The following GRAMD4 variants were observed in gnomAD, a reference collection of about 807,000 sequenced individuals.
The protein encoded by GRAMD4 is GRAM domain containing 4.
GRAMD4 carries 25 observed loss-of-function variants against 83.9 expected under a neutral mutation model. That is an observed-to-expected ratio of 0.30 (90% confidence interval 0.22 to 0.42). The LOEUF (loss-of-function observed/expected upper bound fraction) is 0.42, where lower values mean the gene tolerates loss of function less well. Ranked by LOEUF, GRAMD4 falls within the 10% of genes least tolerant of loss-of-function variation. The probability of loss-of-function intolerance (pLI) is 1.00; values close to 1 mark genes in which losing one functional copy is unlikely to be tolerated. For synonymous variants in GRAMD4, 336 were observed against 320.9 expected (o/e 1.05, Z -0.50); for missense variants, 593 against 788.7 (o/e 0.75, Z 2.97).
At position 46,679,676 on chromosome 22, in the gene GRAMD4, GA is replaced by G. The variant is rs1162994978; in HGVS notation, c.*2432del. ...GGATTGTACTGTATTAAGAACCGAT[GA>G]AAAAAATTCTCCTGTAACATTTTTT... On this transcript the variant is annotated 3_prime_UTR_variant, in exon 19 of 19. Coordinates refer to ENST00000406902, the MANE Select transcript of GRAMD4 (RefSeq NM_015124.5). The G allele has an allele frequency of 1.0e-6, 1 of 981,740 alleles. No homozygotes were observed. The highest frequency in any genetic ancestry group is 1.7e-5 in the African/African-American group (1 of 57,308). 60.8% of individuals were successfully genotyped at this position (981,740 alleles called of 1,614,324 possible).
upstream of GRAMD4, among the ~76,000 whole-genome samples, chr22:46,616,398 AGGTTCCCCTGTGCG>A (rs2081494827): frequency 1.2e-5 from 1 of 84,822 alleles, no homozygotes; most frequent in Non-Finnish European, 2.3e-5. Flanking sequence ...CTGTGCGTGT[AGGTTCCCCTGTGCG>A]TGTAGGTTCC....
chr22:46,658,612 T>A (rs73469181), intron 4 of GRAMD4, among the ~76,000 whole-genome samples: 1 of 152,058 alleles, frequency 6.6e-6, no homozygotes, highest in Admixed American at 6.5e-5. Context: ...AGGCTTGGCA[T>A]GGGGCCTGCA....
intron 1 of GRAMD4, among the ~76,000 whole-genome samples, chr22:46,613,713 C>A (rs1276956499): frequency 6.6e-6 from 1 of 152,192 alleles, no homozygotes; most frequent in Non-Finnish European, 1.5e-5. Context: ...GGCTGCTGTT[C>A]CTGAGTCAGA....
In GRAMD4 at chr22:46,658,241, A is replaced by G; in HGVS notation, c.338A>G (p.Glu113Gly). Residue 113 changes from glutamate to glycine, a missense_variant, in exon 4 of 19, where the codon GAG becomes GGG. Glu to Gly is a moderately conservative substitution (Grantham distance 98). Coordinates refer to ENST00000406902, the MANE Select transcript of GRAMD4 (RefSeq NM_015124.5). Reference protein sequence around the residue: ...EETNAEMLRQELDRERQRRME... With the variant: ...EETNAEMLRQGLDRERQRRME... ...ACCAACGCGGAGATGCTGCGGCAGG[A>G]GCTGGACCGCGAGCGGCAGCGGCGG... is the stretch of plus-strand genomic sequence containing the variant. 2.5e-6 allele frequency: 4 copies of G among 1,613,556 alleles called. No homozygotes were observed. The highest frequency in any genetic ancestry group is 2.5e-6 in the Non-Finnish European group (3 of 1,179,926).
At chr22:46,595,929 G>A (rs2081258110) in intron 1 of GRAMD4, among the ~76,000 whole-genome samples, 1 of 152,230 alleles carries the variant, frequency 6.6e-6, no homozygotes, top group Non-Finnish European at 1.5e-5. Flanking sequence ...CAGGAGGAGT[G>A]GGAGCTGGCC....
downstream of GRAMD4, chr22:46,679,790 C>G: frequency 1.0e-6 from 1 of 984,514 alleles, no homozygotes. Flanking sequence ...TGCTAAGGCT[C>G]AGGGCTGTCT....
intron 3 of GRAMD4, among the ~76,000 whole-genome samples, chr22:46,641,106 T>C (rs2081969110): frequency 1.3e-5 from 2 of 151,682 alleles, no homozygotes. Context: ...GGAGTCTCAC[T>C]GTGTCGCCCA....
chr22:46,679,120 G>T lies in GRAMD4; in HGVS notation c.*1869G>T. 1 of 985,538 alleles carries T rather than the reference G, an allele frequency of 1.0e-6. No homozygotes were observed. The highest frequency in any genetic ancestry group is 1.2e-6 in the Non-Finnish European group (1 of 829,972). 61.0% of individuals were successfully genotyped at this position (985,538 alleles called of 1,614,324 possible). On this transcript the variant is annotated 3_prime_UTR_variant, in exon 19 of 19. Coordinates refer to ENST00000406902, the MANE Select transcript of GRAMD4 (RefSeq NM_015124.5). ...CCCCAGGGGCGGCTGCAGAGGCAGTGCCCGCAGACAATGGCCACACCTCTC... is the reference window on the plus strand; with the variant it reads ...CCCCAGGGGCGGCTGCAGAGGCAGTTCCCGCAGACAATGGCCACACCTCTC...
chr22:46,575,746 C>T (rs898439927), upstream of GRAMD4, among the ~76,000 whole-genome samples: 1 of 152,194 alleles, frequency 6.6e-6, no homozygotes, highest in Non-Finnish European at 1.5e-5. Flanking sequence ...AGCGCGCCAT[C>T]GCACCCCATG....
chr22:46,671,950 C>T (rs933273870), intron 13 of GRAMD4, among the ~76,000 whole-genome samples: 1 of 152,244 alleles, frequency 6.6e-6, no homozygotes, highest in Admixed American at 6.5e-5. Flanking sequence ...CTTTATCAGT[C>T]CCTTTATAGC....
intron 5 of GRAMD4, among the ~76,000 whole-genome samples, chr22:46,661,685 C>A (rs1601658677): frequency 6.6e-6 from 1 of 152,378 alleles, no homozygotes; most frequent in African/African-American, 2.4e-5. Context: ...CACAAATTTC[C>A]AGTCACTCAA....
At chr22:46,658,374 G>A (rs951081023) in intron 4 of GRAMD4, 67 bp downstream of exon 4, 25 of 932,620 alleles carry the variant, frequency 2.7e-5, no homozygotes, top group East Asian at 1.1e-4. Context: ...CACCCGCCCC[G>A]CCGTCCTCTG....
At chr22:46,597,781 G>A (rs951824401) in intron 1 of GRAMD4, among the ~76,000 whole-genome samples, 3 of 152,134 alleles carry the variant, frequency 2.0e-5, no homozygotes, top group Non-Finnish European at 4.4e-5. Context: ...GAGCTACCAC[G>A]CCCGGCCTCT....
chr22:46,651,654 G>A (rs1028994578), intron 3 of GRAMD4, among the ~76,000 whole-genome samples: 2 of 152,222 alleles, frequency 1.3e-5, no homozygotes, highest in South Asian at 2.1e-4. Context: ...CAGGTGCCCC[G>A]TGCTGCCATT....
chr22:46,668,122 G>A lies in GRAMD4; in HGVS notation c.885G>A (p.Val295=), dbSNP rs750397215. ...AACCTCCAAAGGAAGACCTGACTGT[G>A]TCTGAGAAGTTCCAGCTGGTGCTGG... is the stretch of plus-strand genomic sequence containing the variant. The part of the protein sequence containing the change: ...PVEPPKEDLT[V]SEKFQLVLDV... The change falls in exon 11 of 19, where the codon GTG becomes GTA. Residue 295 remains valine, a synonymous_variant. Coordinates refer to ENST00000406902, the MANE Select transcript of GRAMD4 (RefSeq NM_015124.5). The A allele has an allele frequency of 1.4e-5, 23 of 1,611,904 alleles. No homozygotes were observed. Among genetic ancestry groups the A allele is most frequent in the Non-Finnish European group, 2.0e-5 (23 of 1,179,288 alleles).
intron 1 of GRAMD4, among the ~76,000 whole-genome samples, chr22:46,611,082 G>A (rs1177018108): frequency 6.6e-6 from 1 of 152,020 alleles, no homozygotes; most frequent in East Asian, 1.9e-4. Flanking sequence ...CGGGCATGGT[G>A]GCAGGTGCCT....
At chr22:46,676,115 C>T (rs894912804) in intron 17 of GRAMD4, among the ~76,000 whole-genome samples, 1 of 152,222 alleles carries the variant, frequency 6.6e-6, no homozygotes, top group Non-Finnish European at 1.5e-5. Context: ...TGGGCATGTC[C>T]GCATTGGCAC....
In GRAMD4 at chr22:46,659,746, G is replaced by A. The variant is rs1243778004; in HGVS notation, c.404+1439G>A. On this transcript the variant is annotated intron_variant, in intron 4 of 18. Transcript: ENST00000406902. This position sits in a 1 kb window ranked among gnomAD's most constrained non-coding sequence, Gnocchi z 4.1. Reference sequence around the variant, plus strand: ...GGGGCTCATGTGGGGGCATCCAGCTGGTGTGGGGGAGGGAGAGGCCTCACT... The same window carrying A: ...GGGGCTCATGTGGGGGCATCCAGCTAGTGTGGGGGAGGGAGAGGCCTCACT... 1.3e-5 allele frequency among the ~76,000 whole-genome samples: 2 copies of A among 152,020 alleles called. No individual in the cohort carries two copies. Among genetic ancestry groups the A allele is most frequent in the African/African-American group, 4.8e-5 (2 of 41,396 alleles).
At chr22:46,666,964 A>G (rs1420062136) in intron 10 of GRAMD4, 91 bp downstream of exon 10, 2 of 922,002 alleles carry the variant, frequency 2.2e-6, no homozygotes, top group Non-Finnish European at 3.3e-6. Context: ...AAGCCTCTGG[A>G]TGAGGCCATG....
Sources: allele counts gnomAD v4.1 joint callset (sites outside exome capture counted in the v4.1 genomes callset), GRCh38; gene constraint gnomAD v4.1.1; non-coding constraint Gnocchi (gnomAD v3.1); transcripts MANE v1.5; gene names NCBI Gene and HGNC (gene_info 2026-07-23, HGNC 2026-07-21).